Variants in ARF1 observed in about 807,000 individuals in gnomAD.
ARF1 encodes ADP-ribosylation factor 1.
ARF1 carries 1 observed loss-of-function variant against 18.0 expected under a neutral mutation model. That is an observed-to-expected ratio of 0.06 (90% CI 0.02 to 0.26). The LOEUF (loss-of-function observed/expected upper bound fraction) is 0.26. Ranked by LOEUF, ARF1 falls within the 10% of genes least tolerant of loss-of-function variation. ARF1 has a pLI of 1.00. For synonymous variants in ARF1, 112 were observed against 96.3 expected, an observed-to-expected ratio of 1.16 and a Z score of -0.95; for missense variants, 73 against 247.2, an observed-to-expected ratio of 0.30 and a Z score of 4.73.
chr1:228,097,000 G>A, intron 1 of ARF1, 78 bp from the exon 2 acceptor site: 2 of 1,322,706 alleles, frequency 1.5e-6, no homozygotes, highest in Non-Finnish European at 2.1e-6. Context: ...AGGCAGTGGT[G>A]CATCCCTGGG....
chr1:228,093,624 TA>T (rs11420776), intron 1 of ARF1, among the ~76,000 whole-genome samples: 1,867 of 138,734 alleles, frequency 0.013, 18 homozygotes, highest in African/African-American at 0.026. Context: ...TTTGGTCTGT[TA>T]AAAAAAAAAA....
intron 1 of ARF1, among the ~76,000 whole-genome samples, chr1:228,088,685 C>G (rs1368994437): frequency 6.6e-6 from 1 of 152,120 alleles, no homozygotes; most frequent in Admixed American, 6.5e-5. Context: ...ACATGGCTTG[C>G]CCTTGAGGTT....
intron 1 of ARF1, among the ~76,000 whole-genome samples, chr1:228,088,768 G>A (rs2032482543): frequency 6.6e-6 from 1 of 152,166 alleles, no homozygotes; most frequent in Non-Finnish European, 1.5e-5. Context: ...TAGCGTGGTT[G>A]TGAAGTCACT....
Position 228,098,145 on chromosome 1 carries a change from A to G in ARF1, c.*132A>G. Reference sequence around the variant, plus strand: ...CCGTGTGCATCGCACCGTGCTGTAAATGTGGCAGACGCAGCCTGCGGCCAG... The same window carrying G: ...CCGTGTGCATCGCACCGTGCTGTAAGTGTGGCAGACGCAGCCTGCGGCCAG... On this transcript the variant is annotated 3_prime_UTR_variant, in exon 5 of 5. Transcript: ENST00000272102. The G allele has an allele frequency of 8.9e-7, 1 of 1,128,970 alleles. No individual in the cohort carries two copies. Among genetic ancestry groups the G allele is most frequent in the South Asian group, 2.0e-5 (1 of 49,838 alleles). The allele number at this position is 1,128,970 out of a possible 1,614,324, so 69.9% of individuals were successfully genotyped here. A position where few individuals can be genotyped will look rare whatever the true frequency, so the allele number is the denominator to read the frequency against.
intron 1 of ARF1, chr1:228,096,454 C>T (rs941762125): frequency 5.9e-5 from 9 of 152,322 alleles, no homozygotes; most frequent in African/African-American, 1.7e-4. Context: ...CTCACAGAGG[C>T]GTCTGGGCAG....
chr1:228,090,485 G>A (rs776347959), intron 1 of ARF1: 5 of 152,212 alleles, frequency 3.3e-5, no homozygotes, highest in Non-Finnish European at 5.9e-5. Context: ...GCTGTTCCTC[G>A]TTGCAGTGTT....
chr1:228,086,432 C>T (rs1159380893), intron 1 of ARF1, among the ~76,000 whole-genome samples: 4 of 151,478 alleles, frequency 2.6e-5, no homozygotes, highest in Non-Finnish European at 4.4e-5. Context: ...AGGAGAATGG[C>T]GTGAACCCGG....
At chr1:228,085,888 A>G (rs944070435) in intron 1 of ARF1, among the ~76,000 whole-genome samples, 2 of 152,108 alleles carry the variant, frequency 1.3e-5, no homozygotes, top group African/African-American at 4.8e-5. Context: ...CCTGCCTCCC[A>G]TTTCCTGGCT....
intron 1 of ARF1, among the ~76,000 whole-genome samples, chr1:228,085,421 TG>T (rs980470699): frequency 6.6e-6 from 1 of 152,274 alleles, no homozygotes; most frequent in African/African-American, 2.4e-5. Context: ...TTGACAGACA[TG>T]TCCTGGATGC....
intron 1 of ARF1, among the ~76,000 whole-genome samples, 159 bp from the exon 2 acceptor site, chr1:228,096,919 A>G (rs533410937): frequency 6.6e-6 from 1 of 152,006 alleles, no homozygotes; most frequent in Admixed American, 6.6e-5. Context: ...CCCCATCCTG[A>G]GGTGGATTTG....
chr1:228,092,559 G>C (rs1446053266), intron 1 of ARF1, among the ~76,000 whole-genome samples: 1 of 152,254 alleles, frequency 6.6e-6, no homozygotes, highest in Non-Finnish European at 1.5e-5. Flanking sequence ...GAGCTTGTTT[G>C]TCCTGTGCTA....
chr1:228,096,302 C>A (rs1270217130), intron 1 of ARF1: 2 of 152,278 alleles, frequency 1.3e-5, no homozygotes, highest in African/African-American at 4.8e-5. Context: ...CGGGGTAAGC[C>A]CCGCTTGCGG....
In ARF1 at chr1:228,097,379, C is replaced by T. The variant is rs1374140229; in HGVS notation, c.186C>T (p.Ser62=). 6.2e-7 allele frequency: 1 copy of T among 1,614,108 alleles called. No homozygotes were observed. The highest frequency in any genetic ancestry group is 1.3e-5 in the African/African-American group (1 of 74,934). The change falls in exon 3 of 5, where the codon AGC becomes AGT. Residue 62 remains serine (S), a synonymous_variant. Coordinates refer to ENST00000272102, the MANE Select transcript of ARF1 (RefSeq NM_001658.4). The surrounding 1 kb of genome is among the most constrained non-coding windows in gnomAD (Gnocchi z 8.1). The part of the protein sequence containing the change: ...NVETVEYKNI[S]FTVWDVGGQD... ...AAACCGTGGAGTACAAGAACATCAG[C>T]TTCACTGTGTGGGACGTGGGTGGCC...
rs1385671970 is a variant in ARF1 at position 228,097,323 on chromosome 1, C to A, written c.149-19C>A. The A allele has an allele frequency of 6.2e-7, 1 of 1,612,538 alleles. No individual in the cohort carries two copies. The highest frequency in any genetic ancestry group is 8.5e-7 in the Non-Finnish European group (1 of 1,179,232). On this transcript the variant is annotated intron_variant, in intron 2 of 4. Transcript: ENST00000272102. This position sits in a 1 kb window ranked among gnomAD's most constrained non-coding sequence, Gnocchi z 8.1. Reference sequence around the variant, plus strand: ...GGCTGGGCCAAGGTACAAGGCCTCACCCTGCATCCCGCACCCAGGCTTCAA... The same window carrying A: ...GGCTGGGCCAAGGTACAAGGCCTCAACCTGCATCCCGCACCCAGGCTTCAA...
chr1:228,098,411 T>G lies in ARF1; in HGVS notation c.*398T>G, dbSNP rs1302073765. 6.3e-6 allele frequency: 1 copy of G among 158,734 alleles called. No individual in the cohort carries two copies. Among genetic ancestry groups the G allele is most frequent in the Non-Finnish European group, 1.4e-5 (1 of 72,366 alleles). The allele number at this position is 158,734 out of a possible 1,614,324, so 9.8% of individuals were successfully genotyped here. ...TTGGTGGTTGGTTTTTAACCCAAAC[T>G]CAGTGCATTTTTTAAAATAGTTAAG... On this transcript the variant is annotated 3_prime_UTR_variant, in exon 5 of 5. Coordinates refer to ENST00000272102, the MANE Select transcript of ARF1 (RefSeq NM_001658.4).
chr1:228,086,530 GAAAAA>G (rs896987251), intron 1 of ARF1, among the ~76,000 whole-genome samples: 12 of 149,806 alleles, frequency 8.0e-5, no homozygotes, highest in Admixed American at 6.0e-4. Flanking sequence ...AAAAAAAAAA[GAAAAA>G]AAAGAAACAG....
chr1:228,084,029 G>A (rs937636006), intron 1 of ARF1, among the ~76,000 whole-genome samples: 1 of 152,228 alleles, frequency 6.6e-6, no homozygotes, highest in Non-Finnish European at 1.5e-5. Context: ...TTTCTTTGCC[G>A]GCTGTTGCAA....
rs367780730 is a variant in ARF1 at position 228,097,726 on chromosome 1, G to A, written c.384+11G>A. 50 of 1,600,624 alleles carry A rather than the reference G, an allele frequency of 3.1e-5. No homozygotes were observed. In the Middle Eastern group the frequency reaches 6.7e-4, roughly 21 times the overall value. ...TTCGCCAACAAGCAGGTAGGCGCCCGGGCCAGCCTGGGGAATGTGAGGAGC... is the reference window on the plus strand; with the variant it reads ...TTCGCCAACAAGCAGGTAGGCGCCCAGGCCAGCCTGGGGAATGTGAGGAGC... On this transcript the variant is annotated intron_variant, in intron 4 of 4. Transcript: ENST00000272102. This position sits in a 1 kb window ranked among gnomAD's most constrained non-coding sequence, Gnocchi z 8.1.
At chr1:228,091,963 ATATG>A (rs1205834870) in intron 1 of ARF1, among the ~76,000 whole-genome samples, 7 of 152,178 alleles carry the variant, frequency 4.6e-5, no homozygotes, top group Admixed American at 3.9e-4. Flanking sequence ...CATCTACACT[ATATG>A]TATGACTGTT....
Sources: gnomAD v4.1 joint callset for allele counts (sites outside exome capture counted in the v4.1 genomes callset) on GRCh38, gnomAD v4.1.1 for gene constraint, Gnocchi (gnomAD v3.1) non-coding constraint, MANE v1.5 for transcripts, NCBI Gene and HGNC (gene_info 2026-07-23, HGNC 2026-07-21) for gene names.